The following SAMMSON variants were observed in gnomAD, a reference collection of about 807,000 sequenced individuals.
SAMMSON encodes survival associated mitochondrial melanoma specific oncogenic non-coding RNA, also known as long intergenic non-protein coding RNA 1212.
At chr3:70,261,359 G>A (rs374693096) in intron 6 of SAMMSON, among the ~76,000 whole-genome samples, 10 of 152,156 alleles carry the variant, frequency 6.6e-5, no homozygotes, top group African/African-American at 2.2e-4. Context: ...TTCAAAAAAA[G>A]TTGATGTGAA....
chr3:70,275,111 A>G (rs1304639829), intron 6 of SAMMSON, among the ~76,000 whole-genome samples: 1 of 152,230 alleles, frequency 6.6e-6, no homozygotes, highest in Non-Finnish European at 1.5e-5. Flanking sequence ...TCTTGTGGTC[A>G]TCATTCTCAC....
At chr3:70,048,196 G>A (rs1035875304) in intron 3 of SAMMSON, among the ~76,000 whole-genome samples, 1 of 151,980 alleles carries the variant, frequency 6.6e-6, no homozygotes, top group African/African-American at 2.4e-5. Context: ...CAGAACAGAT[G>A]TGCTCTCTTG....
At chr3:70,094,353 C>T (rs921457438) in intron 4 of SAMMSON, among the ~76,000 whole-genome samples, 1 of 152,136 alleles carries the variant, frequency 6.6e-6, no homozygotes, top group African/African-American at 2.4e-5. Context: ...GAGTAATGTT[C>T]TCAAAATGCA....
chr3:70,031,429 A>C (rs1004219951), intron 3 of SAMMSON, among the ~76,000 whole-genome samples: 7 of 152,090 alleles, frequency 4.6e-5, no homozygotes, highest in African/African-American at 1.4e-4. Flanking sequence ...CAAAGTTTCC[A>C]TTTGGGTTGG....
At chr3:70,104,749 C>T (rs1025872452) in intron 4 of SAMMSON, among the ~76,000 whole-genome samples, 2 of 152,134 alleles carry the variant, frequency 1.3e-5, no homozygotes, top group Non-Finnish European at 2.9e-5. Flanking sequence ...AACTGGGTGT[C>T]AAGGCCTGGG....
chr3:70,360,206 C>A (rs1702861364), intron 9 of SAMMSON, among the ~76,000 whole-genome samples: 1 of 151,908 alleles, frequency 6.6e-6, no homozygotes, highest in Non-Finnish European at 1.5e-5. Flanking sequence ...AAAAGATCTC[C>A]CGCCACCATT....
intron 3 of SAMMSON, among the ~76,000 whole-genome samples, chr3:70,027,283 A>G (rs1470431125): frequency 1.3e-5 from 2 of 152,202 alleles, no homozygotes; most frequent in Non-Finnish European, 2.9e-5. Context: ...GCCATGTAGA[A>G]AGTGAGAATT....
intron 4 of SAMMSON, among the ~76,000 whole-genome samples, chr3:70,213,439 G>A (rs570202821): frequency 1.3e-5 from 2 of 152,192 alleles, no homozygotes; most frequent in East Asian, 3.9e-4. Flanking sequence ...CAAACGTATA[G>A]ACCATTTTTT....
chr3:70,106,692 G>T (rs1204299813), intron 4 of SAMMSON, among the ~76,000 whole-genome samples: 2 of 152,004 alleles, frequency 1.3e-5, no homozygotes, highest in African/African-American at 4.8e-5. Flanking sequence ...ACGGTCTCTG[G>T]ACCACACATG....
At chr3:70,259,770 A>T (rs1412667423) in intron 6 of SAMMSON, among the ~76,000 whole-genome samples, 2 of 152,196 alleles carry the variant, frequency 1.3e-5, no homozygotes, top group East Asian at 3.9e-4. Context: ...ATACCGGTAT[A>T]AAAACTGACC....
At chr3:70,394,407 T>A (rs925632881), downstream of SAMMSON, among the ~76,000 whole-genome samples, 3 of 152,110 alleles carry the variant, frequency 2.0e-5, no homozygotes, top group Non-Finnish European at 2.9e-5. Flanking sequence ...AGGAAAAATG[T>A]TTGTCCCTAT....
intron 4 of SAMMSON, chr3:70,204,723 C>T (rs918198498): frequency 1.3e-5 from 2 of 151,562 alleles, no homozygotes; most frequent in Non-Finnish European, 2.9e-5. Context: ...TGATTTGGGC[C>T]CTTTCCTGAT....
In SAMMSON at chr3:70,378,978, C is replaced by CTTTT. The variant is rs796419912; in HGVS notation, n.914-10595_914-10592dup. Reference sequence around the variant, plus strand: ...CAAACATTGCAGGGGTATACTTACACTTTTATTTATTTATTTATTTATTTA... The same window carrying CTTTT: ...CAAACATTGCAGGGGTATACTTACACTTTTTTTTATTTATTTATTTATTTATTTA... On this transcript the variant is annotated intron_variant and non_coding_transcript_variant, in intron 9 of 9. Coordinates refer to ENST00000642114, the Ensembl canonical transcript of SAMMSON. 3.4e-4 allele frequency among the ~76,000 whole-genome samples: 48 copies of CTTTT among 143,086 alleles called. No individual in the cohort carries two copies. The South Asian group carries it at 4.6e-3, about 14-fold the overall frequency. The allele number at this position is 143,086 out of a possible 152,430, so 93.9% of individuals were successfully genotyped here. A position where few individuals can be genotyped will look rare whatever the true frequency, so the allele number is the denominator to read the frequency against.
At chr3:70,144,198 A>G (rs746557129) in intron 4 of SAMMSON, among the ~76,000 whole-genome samples, 22 of 152,150 alleles carry the variant, frequency 1.4e-4, no homozygotes, top group Non-Finnish European at 2.9e-4. Flanking sequence ...AACAATATGC[A>G]TTATTTATTA....
intron 4 of SAMMSON, among the ~76,000 whole-genome samples, chr3:70,181,013 G>A (rs1701049485): frequency 6.6e-6 from 1 of 152,114 alleles, no homozygotes. Flanking sequence ...CCTTGCACGG[G>A]GTCAGATCTT....
At chr3:70,037,424 C>T (rs1194044086) in intron 3 of SAMMSON, among the ~76,000 whole-genome samples, 2 of 151,990 alleles carry the variant, frequency 1.3e-5, no homozygotes, top group South Asian at 2.1e-4. Flanking sequence ...ATAACTCAAT[C>T]TCCTCCTCCG....
At chr3:70,157,991 A>T (rs371147151) in intron 4 of SAMMSON, among the ~76,000 whole-genome samples, 1 of 152,210 alleles carries the variant, frequency 6.6e-6, no homozygotes, top group African/African-American at 2.4e-5. Context: ...TATTTTATAG[A>T]ACTTTCAGTT....
chr3:70,303,330 C>G (rs753351480), intron 7 of SAMMSON, among the ~76,000 whole-genome samples: 10 of 152,086 alleles, frequency 6.6e-5, no homozygotes, highest in Non-Finnish European at 1.5e-4. Flanking sequence ...GCTTGCTAAC[C>G]CAGGAGTCAG....
At position 70,225,233 on chromosome 3, in the gene SAMMSON, T is replaced by G. The variant is rs115864266; in HGVS notation, n.508-23874T>G. 6.9e-3 allele frequency among the ~76,000 whole-genome samples: 1,047 copies of G among 152,264 alleles called. 6 individuals are homozygous for G. Among genetic ancestry groups the G allele is most frequent in the Non-Finnish European group, 0.012 (814 of 68,016 alleles). On this transcript the variant is annotated intron_variant and non_coding_transcript_variant, in intron 4 of 9. Coordinates refer to ENST00000642114, the Ensembl canonical transcript of SAMMSON. ...TAATAAGAGAAATGTATAATACTGA[T>G]ATGTCAATATGTTTTTCAATAAACT...
Sources: allele counts gnomAD v4.1 joint callset (sites outside exome capture counted in the v4.1 genomes callset), GRCh38; gene constraint gnomAD v4.1.1; transcripts MANE v1.5; gene names NCBI Gene and HGNC (gene_info 2026-07-23, HGNC 2026-07-21).